SULT1A3: variants seen among roughly 807,000 people sequenced by gnomAD.
SULT1A3 encodes sulfotransferase 1A3.
For synonymous variants in SULT1A3, 4 were observed against 29.3 expected (o/e 0.14, Z 2.79); for missense variants, 11 against 62.7 (o/e 0.18, Z 2.78).
rs1245207401 is a variant in SULT1A3 at position 30,204,263 on chromosome 16, C to T, written c.*343C>T. On this transcript the variant is annotated 3_prime_UTR_variant, in exon 8 of 8. Transcript: ENST00000338971. ...TGCCCATTCACTACAGCCTGGATGACAAGCAAGACCCTCCCTCCAAAGAAA... is the reference window on the plus strand; with the variant it reads ...TGCCCATTCACTACAGCCTGGATGATAAGCAAGACCCTCCCTCCAAAGAAA... The T allele has an allele frequency of 1.6e-5, 10 of 609,454 alleles. No individual in the cohort carries two copies. Among genetic ancestry groups the T allele is most frequent in the Non-Finnish European group, 1.4e-5 (5 of 345,420 alleles). The allele number at this position is 609,454 out of a possible 1,614,324, so 37.8% of individuals were successfully genotyped here.
intron 4 of SULT1A3, among the ~76,000 whole-genome samples, chr16:30,201,601 C>T (rs2073443928): frequency 6.6e-6 from 1 of 152,116 alleles, no homozygotes; most frequent in African/African-American, 2.4e-5. Context: ...TTCCCACTGA[C>T]TGGCAAGGAA....
intron 4 of SULT1A3, chr16:30,201,925 G>T (rs1228008952): frequency 9.8e-6 from 1 of 101,648 alleles, no homozygotes; most frequent in African/African-American, 3.4e-5. Context: ...TCAAACTCTT[G>T]ACCTTGTGAT....
At chr16:30,201,620 A>T (rs571332999) in intron 4 of SULT1A3, among the ~76,000 whole-genome samples, 1 of 151,772 alleles carries the variant, frequency 6.6e-6, no homozygotes, top group Non-Finnish European at 1.5e-5. Context: ...AAAGCCAGGA[A>T]GGGGGGCTCA....
chr16:30,200,875 T>C lies in SULT1A3; in HGVS notation c.147T>C (p.Ser49=), dbSNP rs1359096675. The C allele has an allele frequency of 1.7e-5, 11 of 647,386 alleles. No individual in the cohort carries two copies. The highest frequency in any genetic ancestry group is 1.4e-4 in the African/African-American group (2 of 14,016). 40.1% of individuals were successfully genotyped at this position (647,386 alleles called of 1,614,324 possible). A position where few individuals can be genotyped will look rare whatever the true frequency, so the allele number is the denominator to read the frequency against. ...TGCTCATCAACACCTACCCCAAGTC[T>C]GGTAAGTGAGGAGGGCCACCCACCC... ...DDLLINTYPK[S]GTTWVSQILD... The change falls in exon 2 of 8, where the codon TCT becomes TCC. Residue 49 remains serine, a splice_region_variant and synonymous_variant. Transcript: ENST00000338971.
rs1186635486 is a variant in SULT1A3 at position 30,201,755 on chromosome 16, A to G, written c.372+462A>G. Among the ~76,000 whole-genome samples the G allele has an allele frequency of 7.7e-5, 10 of 129,968 alleles. 1 individual carries two copies. The East Asian group carries it at 2.1e-3, about 27-fold the overall frequency. 85.3% of individuals were successfully genotyped at this position (129,968 alleles called of 152,430 possible). A position where few individuals can be genotyped will look rare whatever the true frequency, so the allele number is the denominator to read the frequency against. ...GTCACCCTGGCTGGAGTGCAGTGGC[A>G]TGATCTCAGCTCACTGCAACCTCCG... is the stretch of plus-strand genomic sequence containing the variant. On this transcript the variant is annotated intron_variant, in intron 4 of 7. Coordinates refer to ENST00000338971, the MANE Select transcript of SULT1A3 (RefSeq NM_177552.4).
In SULT1A3 at chr16:30,203,675, CATG is replaced by C. The variant is rs1345823987; in HGVS notation, c.767_769del (p.Met256del). ...TCATGGACCACAGCATCTCCCCCTT[CATG>C]AGGAAAGGTGGGTGCTGGCCAGCAC... On this transcript the variant is annotated inframe_deletion, in exon 7 of 8. Transcript: ENST00000338971. 8.9e-5 allele frequency: 7 copies of C among 78,716 alleles called. No individual in the cohort carries two copies. The highest frequency in any genetic ancestry group is 4.8e-4 in the South Asian group (7 of 14,468). 4.9% of individuals were successfully genotyped at this position (78,716 alleles called of 1,614,324 possible). A position where few individuals can be genotyped will look rare whatever the true frequency, so the allele number is the denominator to read the frequency against.
rs2073452889 is a variant in SULT1A3 at position 30,204,046 on chromosome 16, GT to G, written c.*128del. 7.1e-6 allele frequency: 1 copy of G among 139,946 alleles called. No homozygotes were observed. Among genetic ancestry groups the G allele is most frequent in the Non-Finnish European group, 1.6e-5 (1 of 62,528 alleles). 8.7% of individuals were successfully genotyped at this position (139,946 alleles called of 1,614,324 possible). On this transcript the variant is annotated 3_prime_UTR_variant, in exon 8 of 8. Coordinates refer to ENST00000338971, the MANE Select transcript of SULT1A3 (RefSeq NM_177552.4). ...GTCTGCAATCCCAGCGATTTGGGAG[GT>G]TGAGCTGGTAGGATCACAATAGGCC...
In SULT1A3 at chr16:30,201,282, CAGA is replaced by C. The variant is rs2073441457; in HGVS notation, c.364_366del (p.Lys122del). ...TCTGCTCCCTCAGACTCTGTTGGATCAGAAGGTCAAGGTGAGGCCGGGCTCAAT... is the reference window on the plus strand; with the variant it reads ...TCTGCTCCCTCAGACTCTGTTGGATCAGGTCAAGGTGAGGCCGGGCTCAAT... On this transcript the variant is annotated inframe_deletion, in exon 4 of 8. Transcript: ENST00000338971. The C allele has an allele frequency of 2.4e-6, 1 of 415,568 alleles. No individual in the cohort carries two copies. The highest frequency in any genetic ancestry group is 4.2e-6 in the Non-Finnish European group (1 of 237,486). The allele number at this position is 415,568 out of a possible 1,614,324, so 25.7% of individuals were successfully genotyped here.
At position 30,200,810 on chromosome 16, in the gene SULT1A3, C is replaced by T; in HGVS notation, c.82C>T (p.Leu28=). 1 of 1,075,740 alleles carries T rather than the reference C, an allele frequency of 9.3e-7. No homozygotes were observed. The highest frequency in any genetic ancestry group is 1.2e-6 in the Non-Finnish European group (1 of 846,602). The allele number at this position is 1,075,740 out of a possible 1,614,324, so 66.6% of individuals were successfully genotyped here. The change falls in exon 2 of 8, where the codon CTG becomes TTG. Residue 28 remains leucine, a synonymous_variant. Transcript: ENST00000338971. ...GCTCATCAAGTACTTTGCAGAGGCACTGGGGCCCCTGCAGAGCTTCCAAGC... is the reference window on the plus strand; with the variant it reads ...GCTCATCAAGTACTTTGCAGAGGCATTGGGGCCCCTGCAGAGCTTCCAAGC... ...VPLIKYFAEA[L]GPLQSFQARP... is the part of the protein sequence containing the mutation.
chr16:30,201,653 T>C (rs1373640980), intron 4 of SULT1A3, among the ~76,000 whole-genome samples: 3 of 151,588 alleles, frequency 2.0e-5, no homozygotes, highest in African/African-American at 7.3e-5. Context: ...GCCATGTACC[T>C]GTTCTTCTGG....
intron 1 of SULT1A3, chr16:30,200,513 T>G (rs1297506952): frequency 2.0e-5 from 1 of 51,042 alleles, no homozygotes; most frequent in East Asian, 8.4e-4. Flanking sequence ...TGTACATGCT[T>G]GTAATCCCAG....
intron 4 of SULT1A3, among the ~76,000 whole-genome samples, chr16:30,201,553 T>G (rs1482435041): frequency 6.6e-6 from 1 of 151,896 alleles, no homozygotes; most frequent in Non-Finnish European, 1.5e-5. Context: ...CACTCCAGCC[T>G]GGGCAACACA....
chr16:30,201,676 G>T (rs1340895920), intron 4 of SULT1A3, among the ~76,000 whole-genome samples: 1 of 149,328 alleles, frequency 6.7e-6, no homozygotes, highest in Non-Finnish European at 1.5e-5. Flanking sequence ...GGGCCTCCTC[G>T]CTTCTGCCAG....
At position 30,203,548 on chromosome 16, in the gene SULT1A3, G is replaced by A. The variant is rs1412288244; in HGVS notation, c.638G>A (p.Arg213His). Residue 213 changes from arginine to histidine, a missense_variant, in exon 7 of 8, where the codon CGC (arginine) becomes CAC (histidine). Arg to His is a conservative substitution (Grantham distance 29). Transcript: ENST00000338971. ...CAAAAGATCCTGGAGTTTGTGGGGC[G>A]CTCCCTGCCAGAGGAGACCATGGAC... ...EIQKILEFVG[R>H]SLPEETMDFM... 1 of 17,026 alleles carries A rather than the reference G, an allele frequency of 5.9e-5. No homozygotes were observed. Among genetic ancestry groups the A allele is most frequent in the Non-Finnish European group, 1.2e-4 (1 of 8,150 alleles). The allele number at this position is 17,026 out of a possible 1,614,324, so 1.1% of individuals were successfully genotyped here.
Position 30,204,263 on chromosome 16 carries a change from C to A in SULT1A3, c.*343C>A. The A allele has an allele frequency of 3.3e-6, 2 of 609,586 alleles. No homozygotes were observed. Among genetic ancestry groups the A allele is most frequent in the Non-Finnish European group, 5.8e-6 (2 of 345,412 alleles). The allele number at this position is 609,586 out of a possible 1,614,324, so 37.8% of individuals were successfully genotyped here. On this transcript the variant is annotated 3_prime_UTR_variant, in exon 8 of 8. Transcript: ENST00000338971. The stretch of plus-strand genomic sequence containing the variant: ...TGCCCATTCACTACAGCCTGGATGA[C>A]AAGCAAGACCCTCCCTCCAAAGAAA...
At chr16:30,201,921 T>C (rs1216532894) in intron 4 of SULT1A3, 3 of 102,690 alleles carry the variant, frequency 2.9e-5, no homozygotes, top group Admixed American at 9.1e-5. Flanking sequence ...GATCTCAAAC[T>C]CTTGACCTTG....
At position 30,204,240 on chromosome 16, in the gene SULT1A3, C is replaced by T; in HGVS notation, c.*320C>T. ...TGTGGATACAGTGAGTTATGACATG[C>T]CCATTCACTACAGCCTGGATGACAA... On this transcript the variant is annotated 3_prime_UTR_variant, in exon 8 of 8. Coordinates refer to ENST00000338971, the MANE Select transcript of SULT1A3 (RefSeq NM_177552.4). The T allele has an allele frequency of 1.7e-6, 1 of 591,512 alleles. No individual in the cohort carries two copies. The highest frequency in any genetic ancestry group is 3.0e-6 in the Non-Finnish European group (1 of 332,704). 36.6% of individuals were successfully genotyped at this position (591,512 alleles called of 1,614,324 possible). A position where few individuals can be genotyped will look rare whatever the true frequency, so the allele number is the denominator to read the frequency against.
At position 30,200,476 on chromosome 16, in the gene SULT1A3, GA is replaced by G. The variant is rs1213782858; in HGVS notation, c.-4-238del. ...ATGGTGAAACCCCATCTCTACTAAAGAAAAAAAAAAATTAGCTGAGCATGGT... is the reference window on the plus strand; with the variant it reads ...ATGGTGAAACCCCATCTCTACTAAAGAAAAAAAAAATTAGCTGAGCATGGT... On this transcript the variant is annotated intron_variant, in intron 1 of 7. Transcript: ENST00000338971. The G allele has an allele frequency of 3.6e-4, 13 of 36,596 alleles. No individual in the cohort carries two copies. In the East Asian group the frequency reaches 8.2e-3, roughly 23 times the overall value. The allele number at this position is 36,596 out of a possible 1,614,324, so 2.3% of individuals were successfully genotyped here.
intron 4 of SULT1A3, among the ~76,000 whole-genome samples, chr16:30,201,839 G>A (rs1397207518): frequency 2.1e-4 from 27 of 130,626 alleles, no homozygotes; most frequent in East Asian, 6.8e-4. Context: ...GATTACAGGC[G>A]TGTGCTACCA....
Sources: allele counts gnomAD v4.1 joint callset (sites outside exome capture counted in the v4.1 genomes callset), GRCh38; gene constraint gnomAD v4.1.1; transcripts MANE v1.5; gene names NCBI Gene and HGNC (gene_info 2026-07-23, HGNC 2026-07-21).